SYT7: variants seen among roughly 807,000 people sequenced by gnomAD.
SYT7 encodes synaptotagmin 7, also known as synaptotagmin-7.
SYT7 carries 29 observed loss-of-function variants against 75.1 expected under a neutral mutation model. The ratio of observed to expected loss-of-function variants is 0.39; its 90% CI spans 0.29 to 0.53. SYT7 has a LOEUF of 0.53. Among genes scored for constraint, SYT7 ranks in the 20% least tolerant of loss-of-function variants. SYT7 has a pLI of 0.77. For synonymous variants in SYT7, 376 were observed against 401.7 expected, an observed-to-expected ratio of 0.94 and a Z score of 0.76; for missense variants, 693 against 953.2, an observed-to-expected ratio of 0.73 and a Z score of 3.59.
Position 61,528,152 on chromosome 11 carries a change from C to T in SYT7, c.1234G>A (p.Glu412Lys). 5 of 1,612,562 alleles carry T rather than the reference C, an allele frequency of 3.1e-6. No individual in the cohort carries two copies. Among genetic ancestry groups the T allele is most frequent in the Non-Finnish European group, 4.2e-6 (5 of 1,179,970 alleles). Residue 412 changes from glutamate to lysine, a missense_variant, in exon 9 of 13, where the codon GAG becomes AAG. By Grantham distance (56) the Glu-to-Lys change is moderately conservative. Around this residue, in one of 2 missense-constraint regions of SYT7, gnomAD observed 487 missense variants for 593.2 expected, o/e 0.82. Coordinates refer to ENST00000539008, the MANE Select transcript of SYT7 (RefSeq NM_001365809.2). The part of the protein sequence containing the change: ...SPGSEEDEAH[E>K]GCSRENLGRI... ...CCCAGGTTCTCTCGGCTGCAACCCTCGTGGGCCTCATCCTCCTCGGAGCCT... is the reference window on the plus strand; with the variant it reads ...CCCAGGTTCTCTCGGCTGCAACCCTTGTGGGCCTCATCCTCCTCGGAGCCT...
At chr11:61,530,469 G>T (rs930390027) in intron 8 of SYT7, among the ~76,000 whole-genome samples, 1 of 152,212 alleles carries the variant, frequency 6.6e-6, no homozygotes, top group Admixed American at 6.5e-5. Context: ...TACATCTGCA[G>T]AGTGGGGACC....
At chr11:61,585,086 C>G (rs112737873), upstream of SYT7, among the ~76,000 whole-genome samples, 9 of 152,314 alleles carry the variant, frequency 5.9e-5, no homozygotes, top group African/African-American at 1.9e-4. Context: ...GAGGGACATT[C>G]TGTCCCTCAG....
intron 7 of SYT7, chr11:61,533,693 C>A: frequency 3.0e-6 from 3 of 984,960 alleles, no homozygotes; most frequent in Non-Finnish European, 3.6e-6. Flanking sequence ...TCCACAGTGA[C>A]AGAGTGTTCT....
At chr11:61,541,765 T>G (rs1258700752) in intron 6 of SYT7, among the ~76,000 whole-genome samples, 1 of 150,728 alleles carries the variant, frequency 6.6e-6, no homozygotes, top group Non-Finnish European at 1.5e-5. Flanking sequence ...CAGAGTCGGG[T>G]TACAGGGGAG....
chr11:61,522,049 C>G (rs392159), intron 12 of SYT7, among the ~76,000 whole-genome samples: 4 of 152,164 alleles, frequency 2.6e-5, no homozygotes, highest in Non-Finnish European at 5.9e-5. Flanking sequence ...AGCCCATGCT[C>G]TCAACACTAA....
chr11:61,568,421 A>G (rs2063833302), intron 1 of SYT7, among the ~76,000 whole-genome samples: 1 of 152,216 alleles, frequency 6.6e-6, no homozygotes. Context: ...TCATTTATTG[A>G]GCACTTACTG....
chr11:61,577,276 T>A (rs1055875524), intron 1 of SYT7, among the ~76,000 whole-genome samples: 15 of 152,246 alleles, frequency 9.9e-5, no homozygotes, highest in African/African-American at 2.7e-4. Flanking sequence ...CTCCACTGTG[T>A]CCTGGCCTGT....
chr11:61,570,033 G>GCT (rs1443302384), intron 1 of SYT7, among the ~76,000 whole-genome samples: 1 of 152,238 alleles, frequency 6.6e-6, no homozygotes, highest in African/African-American at 2.4e-5. Context: ...GCTGAGCCAG[G>GCT]GGCCCTCCTG....
In SYT7 at chr11:61,547,366, G is replaced by A. The variant is rs567763174; in HGVS notation, c.216-58C>T. ...GGAGATACAAGAAGAAACAAGAACT[G>A]CAAGTCCTGCGGGGGCAGAAGGGAC... On this transcript the variant is annotated intron_variant, in intron 3 of 12. Transcript: ENST00000539008. 79 of 1,526,686 alleles carry A rather than the reference G, an allele frequency of 5.2e-5. No homozygotes were observed. The African/African-American group carries it at 9.2e-4, about 18-fold the overall frequency. The allele number at this position is 1,526,686 out of a possible 1,614,324, so 94.6% of individuals were successfully genotyped here. A position where few individuals can be genotyped will look rare whatever the true frequency, so the allele number is the denominator to read the frequency against.
intron 12 of SYT7, among the ~76,000 whole-genome samples, chr11:61,521,443 A>C (rs1450859506): frequency 1.3e-5 from 2 of 152,164 alleles, no homozygotes; most frequent in Non-Finnish European, 2.9e-5. Context: ...GGTGCTTGGC[A>C]AGACCCGAGC....
chr11:61,525,458 C>T (rs1472658698), intron 9 of SYT7, among the ~76,000 whole-genome samples: 3 of 152,108 alleles, frequency 2.0e-5, no homozygotes, highest in Admixed American at 2.0e-4. Flanking sequence ...CGACTCCTCC[C>T]GCCTCAGGGC....
rs764377210 is a variant in SYT7, at chr11:61,551,556, T to A, written c.136-93A>T. 1.6e-5 allele frequency: 21 copies of A among 1,328,534 alleles called. No individual in the cohort carries two copies. The highest frequency in any genetic ancestry group is 2.1e-5 in the Non-Finnish European group (20 of 938,670). The allele number at this position is 1,328,534 out of a possible 1,614,324, so 82.3% of individuals were successfully genotyped here. A position where few individuals can be genotyped will look rare whatever the true frequency, so the allele number is the denominator to read the frequency against. ...GGACCCGGAGGGGAAGGAGATAGAC[T>A]GGAGTCGGGCCGTGGCAACAAGGCC... On this transcript the variant is annotated intron_variant, in intron 2 of 12. Transcript: ENST00000539008. The surrounding 1 kb of genome is among the most constrained non-coding windows in gnomAD (Gnocchi z 5.3).
chr11:61,581,108 T>C (rs2064256795), upstream of SYT7: 1 of 212,402 alleles, frequency 4.7e-6, no homozygotes, highest in Non-Finnish European at 7.8e-6. Context: ...TACGAGGCCG[T>C]GTGTATGTGT....
At chr11:61,566,078 C>T (rs2135402120) in intron 1 of SYT7, among the ~76,000 whole-genome samples, 1 of 152,360 alleles carries the variant, frequency 6.6e-6, no homozygotes, top group South Asian at 2.1e-4. Flanking sequence ...GAGAGCGAGA[C>T]CTGGTGAGCT....
In SYT7 at chr11:61,523,809, G is replaced by C. The variant is rs1459961482; in HGVS notation, c.1756+18C>G. On this transcript the variant is annotated intron_variant, in intron 11 of 12. Coordinates refer to ENST00000539008, the MANE Select transcript of SYT7 (RefSeq NM_001365809.2). This position sits in a 1 kb window ranked among gnomAD's most constrained non-coding sequence, Gnocchi z 5.0. Reference sequence around the variant, plus strand: ...CACCTCCCCGGCCCGCCCATCCTCTGCTGGAGAAGCCCCGTACCTGATGTG... The same window carrying C: ...CACCTCCCCGGCCCGCCCATCCTCTCCTGGAGAAGCCCCGTACCTGATGTG... 1.2e-6 allele frequency: 2 copies of C among 1,611,344 alleles called. No individual in the cohort carries two copies. The highest frequency in any genetic ancestry group is 1.7e-6 in the Non-Finnish European group (2 of 1,177,666).
intron 12 of SYT7, among the ~76,000 whole-genome samples, chr11:61,520,377 T>G (rs2062283779): frequency 1.3e-5 from 2 of 151,782 alleles, no homozygotes; most frequent in Admixed American, 6.6e-5. Context: ...TACAAAAAAA[T>G]TAGCTGGGCA....
At chr11:61,531,031 T>C in intron 8 of SYT7, 1 of 985,448 alleles carries the variant, frequency 1.0e-6, no homozygotes, top group Middle Eastern at 5.2e-4. Context: ...CCTCAGCTCC[T>C]TCTTTGGCCA....
At position 61,517,726 on chromosome 11, in the gene SYT7, G is replaced by C. The variant is rs996958905; in HGVS notation, c.*901C>G. ...TGAGAAGGAAGGGAGATGAGTCCTG[G>C]TGGAATGCTATGCACACAGTAGGTG... On this transcript the variant is annotated 3_prime_UTR_variant, in exon 13 of 13. Transcript: ENST00000539008. 7.6e-6 allele frequency: 3 copies of C among 397,134 alleles called. No individual in the cohort carries two copies. The highest frequency in any genetic ancestry group is 6.2e-5 in the African/African-American group (3 of 48,540). 24.6% of individuals were successfully genotyped at this position (397,134 alleles called of 1,614,324 possible).
At position 61,551,567 on chromosome 11, in the gene SYT7, C is replaced by T. The variant is rs374640940; in HGVS notation, c.136-104G>A. Reference sequence around the variant, plus strand: ...GGAAGGAGATAGACTGGAGTCGGGCCGTGGCAACAAGGCCAGGACCAGTGT... The same window carrying T: ...GGAAGGAGATAGACTGGAGTCGGGCTGTGGCAACAAGGCCAGGACCAGTGT... On this transcript the variant is annotated intron_variant, in intron 2 of 12. Transcript: ENST00000539008. The surrounding 1 kb of genome is among the most constrained non-coding windows in gnomAD (Gnocchi z 5.3). The T allele has an allele frequency of 4.3e-3, 5,116 of 1,201,278 alleles. 115 individuals carry two copies. Among genetic ancestry groups the T allele is most frequent in the South Asian group, 0.039 (3,026 of 77,038 alleles). 74.4% of individuals were successfully genotyped at this position (1,201,278 alleles called of 1,614,324 possible).
Sources: allele counts gnomAD v4.1 joint callset (sites outside exome capture counted in the v4.1 genomes callset), GRCh38; gene constraint gnomAD v4.1.1; regional missense constraint gnomAD v4.1.1; non-coding constraint Gnocchi (gnomAD v3.1); transcripts MANE v1.5; gene names NCBI Gene and HGNC (gene_info 2026-07-23, HGNC 2026-07-21).